The following KLKB1 variants were observed in gnomAD, a reference collection of about 807,000 sequenced individuals.
KLKB1 encodes plasma kallikrein.
Under a neutral mutation model 73.6 loss-of-function variants are expected in KLKB1, and 58 were observed. The observed-to-expected ratio is 0.79, with a 90% CI of 0.64 to 0.98. The LOEUF (loss-of-function observed/expected upper bound fraction) is 0.98. Among genes scored for constraint, KLKB1 ranks in the 50% least tolerant of loss-of-function variants. The pLI, the probability that KLKB1 is intolerant of heterozygous loss-of-function variation, is 0.00. For missense variants in KLKB1, 737 were observed against 763.8 expected (o/e 0.96, Z 0.41); for synonymous variants, 280 against 258.1 (o/e 1.08, Z -0.81).
At chr4:186,257,810 C>T (rs142440728) in intron 14 of KLKB1, among the ~76,000 whole-genome samples, 2 of 150,418 alleles carry the variant, frequency 1.3e-5, no homozygotes, top group African/African-American at 4.9e-5. Flanking sequence ...ACACACACAG[C>T]ACTTTGGGAG....
intron 3 of KLKB1, among the ~76,000 whole-genome samples, 185 bp from the exon 4 acceptor site, chr4:186,233,767 G>A (rs1277283592): frequency 2.0e-5 from 3 of 152,230 alleles, no homozygotes; most frequent in Non-Finnish European, 4.4e-5. Flanking sequence ...AAAACGCAGT[G>A]ATGGAGTTAG....
intron 5 of KLKB1, among the ~76,000 whole-genome samples, chr4:186,237,830 T>C (rs1264648856): frequency 6.6e-6 from 1 of 152,122 alleles, no homozygotes; most frequent in Non-Finnish European, 1.5e-5. Flanking sequence ...CACCTCTCTG[T>C]CACCTTCCCA....
At chr4:186,244,626 A>G (rs979839798) in intron 6 of KLKB1, among the ~76,000 whole-genome samples, 1 of 151,274 alleles carries the variant, frequency 6.6e-6, no homozygotes, top group Non-Finnish European at 1.5e-5. Flanking sequence ...TGGGTTGTGG[A>G]GGGAGGTATT....
upstream of KLKB1, among the ~76,000 whole-genome samples, chr4:186,222,587 C>A (rs1737054841): frequency 6.6e-6 from 1 of 152,088 alleles, no homozygotes; most frequent in Admixed American, 6.5e-5. Flanking sequence ...TAGTTTATAT[C>A]TTTTGTATGT....
intron 13 of KLKB1, among the ~76,000 whole-genome samples, chr4:186,256,995 C>CTGTG (rs1384555268): frequency 3.3e-4 from 22 of 67,590 alleles, no homozygotes; most frequent in South Asian, 8.3e-4. Context: ...CTGTCTCTCT[C>CTGTG]TCTCTGTGTG....
At chr4:186,252,645 CCGCCACCAA>C (rs1738755525) in intron 11 of KLKB1, among the ~76,000 whole-genome samples, 2 of 128,038 alleles carry the variant, frequency 1.6e-5, no homozygotes, top group African/African-American at 5.6e-5. Context: ...ACCACCGATC[CCGCCACCAA>C]TCCCACCACC....
chr4:186,239,190 TGTTATA>T (rs1388377815), intron 6 of KLKB1, among the ~76,000 whole-genome samples: 27 of 136,958 alleles, frequency 2.0e-4, no homozygotes, highest in Non-Finnish European at 3.3e-4. Flanking sequence ...ACAGTGATAC[TGTTATA>T]GTTATAGGAA....
chr4:186,254,778 TA>T lies in KLKB1; in HGVS notation c.1489+17del. On this transcript the variant is annotated intron_variant, in intron 12 of 14. Coordinates refer to ENST00000264690, the MANE Select transcript of KLKB1 (RefSeq NM_000892.5). ...GAATTACACTGGTATGTAGCATATG[TA>T]AGAAGGTGGAGAGCAGAATTGCGCT... is the stretch of plus-strand genomic sequence containing the variant. 6.2e-7 allele frequency: 1 copy of T among 1,605,392 alleles called. No homozygotes were observed. Among genetic ancestry groups the T allele is most frequent in the Non-Finnish European group, 8.5e-7 (1 of 1,172,248 alleles).
chr4:186,233,062 G>A (rs1008644630), intron 3 of KLKB1, among the ~76,000 whole-genome samples: 2 of 151,590 alleles, frequency 1.3e-5, no homozygotes, highest in African/African-American at 4.9e-5. Context: ...TTACAGGCAC[G>A]CACCACCACG....
chr4:186,216,867 A>G (rs1309466109), intron 2 of KLKB1, among the ~76,000 whole-genome samples: 2 of 152,206 alleles, frequency 1.3e-5, no homozygotes, highest in African/African-American at 2.4e-5. Flanking sequence ...TAATGGGCTC[A>G]TGTAATAAGA....
At position 186,256,053 on chromosome 4, in the gene KLKB1, T is replaced by C. The variant is rs1252876849; in HGVS notation, c.1551T>C (p.Cys517=). The C allele has an allele frequency of 1.2e-6, 2 of 1,612,974 alleles. No individual in the cohort carries two copies. Among genetic ancestry groups the C allele is most frequent in the Admixed American group, 3.3e-5 (2 of 60,020 alleles). The part of the protein sequence containing the change: ...KGDTSTIYTN[C]WVTGWGFSKE... ...ACACAAGCACAATTTATACCAACTG[T>C]TGGGTAACCGGATGGGGCTTCTCGA... Residue 517 remains cysteine (C), a synonymous_variant, in exon 13 of 15, where the codon TGT becomes TGC. Transcript: ENST00000264690.
intron 6 of KLKB1, among the ~76,000 whole-genome samples, chr4:186,247,284 C>T (rs4253290): frequency 0.11 from 16,395 of 152,038 alleles, 961 homozygotes; most frequent in South Asian, 0.2. Context: ...TTTTTAATCA[C>T]CTGGGTGCAG....
At chr4:186,242,593 T>A (rs188034230) in intron 6 of KLKB1, among the ~76,000 whole-genome samples, 66 of 152,144 alleles carry the variant, frequency 4.3e-4, no homozygotes, top group East Asian at 2.9e-3. Flanking sequence ...TTGTGTGAAA[T>A]GAGAAACTAA....
chr4:186,248,357 TA>T (rs1184174011), intron 6 of KLKB1, among the ~76,000 whole-genome samples: 1 of 152,120 alleles, frequency 6.6e-6, no homozygotes, highest in Non-Finnish European at 1.5e-5. Context: ...TGGCAACCAC[TA>T]AATCTACTTT....
intron 6 of KLKB1, among the ~76,000 whole-genome samples, chr4:186,249,901 C>CA (rs4253298): frequency 0.15 from 22,071 of 151,894 alleles, 1,743 homozygotes; most frequent in Middle Eastern, 0.22. Flanking sequence ...GAAAATACAA[C>CA]AAAAAAACCC....
At chr4:186,213,997 T>C (rs1736816465) in intron 2 of KLKB1, among the ~76,000 whole-genome samples, 1 of 152,204 alleles carries the variant, frequency 6.6e-6, no homozygotes, top group Non-Finnish European at 1.5e-5. Flanking sequence ...TGTAAATATG[T>C]GCCATATTCT....
Position 186,258,380 on chromosome 4 carries a change from C to A in KLKB1, c.*168C>A. 1.4e-6 allele frequency: 1 copy of A among 696,618 alleles called. No individual in the cohort carries two copies. The allele number at this position is 696,618 out of a possible 1,614,324, so 43.2% of individuals were successfully genotyped here. A position where few individuals can be genotyped will look rare whatever the true frequency, so the allele number is the denominator to read the frequency against. ...GAGGACAATGTCTGGCTGAAGCCCG[C>A]TTTCAGCACGCCGTAACCAGGGGCT... On this transcript the variant is annotated 3_prime_UTR_variant, in exon 15 of 15. Coordinates refer to ENST00000264690, the MANE Select transcript of KLKB1 (RefSeq NM_000892.5).
rs1432028592 is a variant in KLKB1, at chr4:186,232,208, G to T, written c.140G>T (p.Cys47Phe). The T allele has an allele frequency of 1.2e-6, 2 of 1,613,986 alleles. No individual in the cohort carries two copies. The highest frequency in any genetic ancestry group is 1.7e-5 in the Admixed American group (1 of 60,016). The change falls in exon 3 of 15, where the codon TGC (cysteine) becomes TTC (phenylalanine). Residue 47 changes from cysteine (C) to phenylalanine (F), a missense_variant. By Grantham distance (205) the Cys-to-Phe change is radical. Coordinates refer to ENST00000264690, the MANE Select transcript of KLKB1 (RefSeq NM_000892.5). ...ASMYTPNAQY[C>F]QMRCTFHPRC... is the part of the protein sequence containing the mutation. ...ATGTACACCCCAAATGCCCAATACT[G>T]CCAGATGAGGTGCACATTCCACCCA... is the stretch of plus-strand genomic sequence containing the variant.
intron 6 of KLKB1, among the ~76,000 whole-genome samples, 170 bp downstream of exon 6, chr4:186,238,535 T>G (rs4253353): frequency 0.024 from 3,690 of 152,230 alleles, 155 homozygotes; most frequent in African/African-American, 0.085. Flanking sequence ...TACTCTGGAT[T>G]TTCTGAATGG....
Sources: allele counts gnomAD v4.1 joint callset (sites outside exome capture counted in the v4.1 genomes callset), GRCh38; gene constraint gnomAD v4.1.1; transcripts MANE v1.5; gene names NCBI Gene and HGNC (gene_info 2026-07-23, HGNC 2026-07-21).